Variants in NRXN1 observed in about 807,000 individuals in gnomAD.
NRXN1 encodes the protein neurexin-1.
In NRXN1, 39 loss-of-function variants were observed where a neutral mutation model predicts 150.9. That is an observed-to-expected ratio of 0.26 (90% CI 0.20 to 0.34). The LOEUF is 0.34. NRXN1 is among the 10% of genes least tolerant of loss of function. NRXN1 has a pLI of 1.00. For missense variants in NRXN1, 1,815 were observed against 1,949.9 expected (o/e 0.93, Z 1.30); for synonymous variants, 924 against 757.0 (o/e 1.22, Z -3.62).
At chr2:50,947,725 C>G (rs938280378) in intron 2 of NRXN1, among the ~76,000 whole-genome samples, 2 of 151,924 alleles carry the variant, frequency 1.3e-5, no homozygotes, top group African/African-American at 4.8e-5. Context: ...AATGCTTAGG[C>G]AAAGGTACGT....
intron 2 of NRXN1, among the ~76,000 whole-genome samples, chr2:51,012,801 T>C (rs1668088680): frequency 1.3e-5 from 2 of 152,060 alleles, no homozygotes; most frequent in Admixed American, 1.3e-4. Context: ...ACCAAAAACA[T>C]GACAGAATAC....
chr2:50,952,316 T>C (rs1409845607), intron 2 of NRXN1, among the ~76,000 whole-genome samples: 1 of 152,176 alleles, frequency 6.6e-6, no homozygotes, highest in Non-Finnish European at 1.5e-5. Flanking sequence ...AATTCTATCT[T>C]TTCTCACACA....
intron 17 of NRXN1, among the ~76,000 whole-genome samples, chr2:50,454,163 T>C (rs1396315536): frequency 6.6e-6 from 1 of 151,922 alleles, no homozygotes; most frequent in Non-Finnish European, 1.5e-5. Context: ...CCATCTCTCC[T>C]AAAAATACAA....
At chr2:50,453,210 A>G (rs1369912163) in intron 17 of NRXN1, among the ~76,000 whole-genome samples, 1 of 149,580 alleles carries the variant, frequency 6.7e-6, no homozygotes, top group Admixed American at 6.8e-5. Flanking sequence ...ATGTAAGGGT[A>G]TATTAGAATC....
chr2:49,974,049 T>G lies in NRXN1; in HGVS notation c.4129-30258A>C, dbSNP rs1386284472. 7.0e-6 allele frequency: 5 copies of G among 717,374 alleles called. 1 individual carries two copies. In the South Asian group the frequency reaches 7.4e-5, roughly 11 times the overall value. 44.4% of individuals were successfully genotyped at this position (717,374 alleles called of 1,614,324 possible). ...TTAGAGCTTTTTTCTTAATTCTTAA[T>G]GGAAATCCTAGGAAATTTAGTCCAT... On this transcript the variant is annotated intron_variant, in intron 21 of 22. Transcript: ENST00000401669.
chr2:50,850,002 T>G (rs930737295), intron 5 of NRXN1, among the ~76,000 whole-genome samples: 8 of 151,880 alleles, frequency 5.3e-5, no homozygotes, highest in Non-Finnish European at 7.4e-5. Flanking sequence ...GCCCATAAGT[T>G]GAAGACCAGC....
intron 5 of NRXN1, among the ~76,000 whole-genome samples, chr2:50,777,278 T>C (rs914112477): frequency 2.0e-5 from 3 of 152,140 alleles, no homozygotes; most frequent in Non-Finnish European, 4.4e-5. Flanking sequence ...AAATGGGATA[T>C]GAGGTTTAAG....
At chr2:50,987,684 A>G (rs779056435) in intron 2 of NRXN1, among the ~76,000 whole-genome samples, 6 of 151,948 alleles carry the variant, frequency 3.9e-5, no homozygotes, top group Middle Eastern at 3.2e-3. Flanking sequence ...TAAAGGATGC[A>G]TATGTTCTGT....
intron 17 of NRXN1, among the ~76,000 whole-genome samples, chr2:50,402,058 T>C (rs1482526824): frequency 6.6e-6 from 1 of 152,088 alleles, no homozygotes; most frequent in Non-Finnish European, 1.5e-5. Flanking sequence ...TTTATTCTGA[T>C]TGAATCTGTG....
At chr2:50,278,242 A>ATATATATGGATTATATATAT (rs1553368219) in intron 17 of NRXN1, among the ~76,000 whole-genome samples, 1 of 118,298 alleles carries the variant, frequency 8.5e-6, no homozygotes, top group Non-Finnish European at 1.6e-5. Context: ...TATATATATA[A>ATATATATGGATTATATATAT]TATATATATA....
chr2:50,990,193 T>A (rs1453502106), intron 2 of NRXN1, among the ~76,000 whole-genome samples: 1 of 152,028 alleles, frequency 6.6e-6, no homozygotes, highest in Non-Finnish European at 1.5e-5. Flanking sequence ...TGTTTGTGTA[T>A]TTAGGATAGG....
At chr2:50,353,667 T>C (rs1187322431) in intron 17 of NRXN1, among the ~76,000 whole-genome samples, 1 of 152,170 alleles carries the variant, frequency 6.6e-6, no homozygotes, top group Non-Finnish European at 1.5e-5. Flanking sequence ...TTAGCTTATT[T>C]ATTCTTTATT....
At chr2:50,476,924 G>A (rs2090039232) in intron 15 of NRXN1, among the ~76,000 whole-genome samples, 2 of 152,140 alleles carry the variant, frequency 1.3e-5, no homozygotes, top group Non-Finnish European at 2.9e-5. Context: ...CAAGGGCCAG[G>A]TTGTCAGTTC....
At chr2:50,845,738 A>T (rs996101737) in intron 5 of NRXN1, among the ~76,000 whole-genome samples, 1 of 152,194 alleles carries the variant, frequency 6.6e-6, no homozygotes, top group African/African-American at 2.4e-5. Flanking sequence ...GTGTTTAAAA[A>T]TTTCCCCACA....
At chr2:50,011,934 T>C (rs983348257) in intron 21 of NRXN1, among the ~76,000 whole-genome samples, 1 of 152,076 alleles carries the variant, frequency 6.6e-6, no homozygotes, top group African/African-American at 2.4e-5. Context: ...AGCAAATGCA[T>C]TGATGAATAT....
chr2:50,074,302 G>C (rs570396513), intron 19 of NRXN1, among the ~76,000 whole-genome samples: 4 of 152,078 alleles, frequency 2.6e-5, no homozygotes, highest in Non-Finnish European at 5.9e-5. Flanking sequence ...AGAAGGAAGA[G>C]TTCCCAATTT....
At chr2:50,318,715 A>C (rs2152971490) in intron 17 of NRXN1, among the ~76,000 whole-genome samples, 1 of 152,318 alleles carries the variant, frequency 6.6e-6, no homozygotes, top group Middle Eastern at 3.4e-3. Flanking sequence ...AACAGGCAAA[A>C]GTAAACAGTA....
chr2:49,926,336 G>A, intron 22 of NRXN1: 2 of 398,408 alleles, frequency 5.0e-6, no homozygotes, highest in African/African-American at 2.1e-5. Context: ...CTCTCTTCTA[G>A]CATTTGGTAA....
At chr2:50,276,002 A>AAT (rs397744930) in intron 17 of NRXN1, among the ~76,000 whole-genome samples, 2 of 151,152 alleles carry the variant, frequency 1.3e-5, no homozygotes, top group Non-Finnish European at 3.0e-5. Context: ...AAAAAAAAAA[A>AAT]GCCCAGTCTG....
Sources: gnomAD v4.1 joint callset for allele counts (sites outside exome capture counted in the v4.1 genomes callset) on GRCh38, gnomAD v4.1.1 for gene constraint, MANE v1.5 for transcripts, NCBI Gene and HGNC (gene_info 2026-07-23, HGNC 2026-07-21) for gene names.